The following FHIT variants were observed in gnomAD, a reference collection of about 807,000 sequenced individuals.
FHIT encodes fragile histidine triad diadenosine triphosphatase.
FHIT carries 19 observed loss-of-function variants against 17.9 expected under a neutral mutation model. The observed-to-expected ratio is 1.06, with a 90% CI of 0.74 to 1.56. FHIT has a LOEUF of 1.56. Ranked by LOEUF, FHIT falls within the 40% of genes most tolerant of loss-of-function variation. FHIT has a pLI of 0.00. For missense variants in FHIT, 248 were observed against 189.2 expected (o/e 1.31, Z -1.82); for synonymous variants, 81 against 69.7 (o/e 1.16, Z -0.81).
At chr3:61,019,275 T>C (rs1171072761) in intron 3 of FHIT, among the ~76,000 whole-genome samples, 2 of 152,268 alleles carry the variant, frequency 1.3e-5, no homozygotes, top group Non-Finnish European at 2.9e-5. Flanking sequence ...AGATTGGTTA[T>C]AAAGAATTAT....
chr3:60,664,481 G>T (rs2040335452), intron 4 of FHIT, among the ~76,000 whole-genome samples: 1 of 151,388 alleles, frequency 6.6e-6, no homozygotes, highest in South Asian at 2.1e-4. Context: ...CCTGGTTTTG[G>T]TATCAGGGTA....
chr3:60,299,919 C>T (rs1331625473), intron 5 of FHIT, among the ~76,000 whole-genome samples: 2 of 152,076 alleles, frequency 1.3e-5, no homozygotes, highest in African/African-American at 2.4e-5. Context: ...AAAATTTTCT[C>T]TATATTGCTA....
intron 8 of FHIT, among the ~76,000 whole-genome samples, chr3:59,897,215 T>G (rs543558342): frequency 4.6e-5 from 7 of 152,356 alleles, no homozygotes; most frequent in African/African-American, 1.4e-4. Flanking sequence ...GTCTATTGCT[T>G]CTGTATCGAG....
At chr3:60,428,318 T>C (rs543917485) in intron 5 of FHIT, among the ~76,000 whole-genome samples, 1 of 152,168 alleles carries the variant, frequency 6.6e-6, no homozygotes, top group African/African-American at 2.4e-5. Context: ...ATCCAATCAA[T>C]GATAACTGTT....
chr3:60,945,523 G>C (rs1411250259), intron 3 of FHIT, among the ~76,000 whole-genome samples: 1 of 152,130 alleles, frequency 6.6e-6, no homozygotes, highest in Non-Finnish European at 1.5e-5. Context: ...CACCTGAGTA[G>C]CTGGGATTAC....
chr3:60,090,493 A>C (rs917408152), intron 5 of FHIT, among the ~76,000 whole-genome samples: 3 of 152,166 alleles, frequency 2.0e-5, no homozygotes, highest in African/African-American at 7.2e-5. Context: ...TCTTTACGTG[A>C]TTGATGGGTA....
chr3:60,227,275 T>C (rs867351357), intron 5 of FHIT, among the ~76,000 whole-genome samples: 1 of 152,302 alleles, frequency 6.6e-6, no homozygotes, highest in Middle Eastern at 3.4e-3. Context: ...TTTGCCTGTT[T>C]CATACATTAT....
rs75547759 is a variant in FHIT, at chr3:59,850,090, G to A, written c.348+72256C>T. Among the ~76,000 whole-genome samples, 1,322 of 152,240 alleles carry A rather than the reference G, an allele frequency of 8.7e-3. 26 individuals are homozygous for A. The highest frequency in any genetic ancestry group is 0.03 in the African/African-American group (1,252 of 41,536). On this transcript the variant is annotated intron_variant, in intron 8 of 9. Transcript: ENST00000492590. ...CTAACATGAAATTCCCTGCATGCTG[G>A]TAGTTAATTTAATAAAAATTAGAAA...
intron 8 of FHIT, among the ~76,000 whole-genome samples, chr3:59,869,631 G>A (rs547822775): frequency 2.7e-5 from 4 of 147,066 alleles, no homozygotes; most frequent in East Asian, 2.0e-4. Flanking sequence ...ACAGGTGCCC[G>A]CCACCACGCC....
chr3:60,665,700 G>A (rs1553692299), intron 4 of FHIT, among the ~76,000 whole-genome samples: 1 of 151,952 alleles, frequency 6.6e-6, no homozygotes, highest in African/African-American at 2.4e-5. Flanking sequence ...GCAGCATACA[G>A]TTAGATTATG....
At chr3:60,212,149 A>C (rs1217705205) in intron 5 of FHIT, among the ~76,000 whole-genome samples, 3 of 152,152 alleles carry the variant, frequency 2.0e-5, no homozygotes, top group Non-Finnish European at 4.4e-5. Flanking sequence ...ACTTCTCCTC[A>C]AACTTGCATT....
chr3:60,963,204 A>G (rs919606212), intron 3 of FHIT, among the ~76,000 whole-genome samples: 8 of 152,064 alleles, frequency 5.3e-5, no homozygotes, highest in Non-Finnish European at 8.8e-5. Context: ...TAGATTTTCT[A>G]GTTTATTTGC....
chr3:60,948,891 G>A (rs1394062283), intron 3 of FHIT, among the ~76,000 whole-genome samples: 3 of 152,100 alleles, frequency 2.0e-5, no homozygotes, highest in East Asian at 1.9e-4. Flanking sequence ...GGTCAACACC[G>A]CTCTTTTGTC....
At chr3:60,278,681 C>G (rs893043757) in intron 5 of FHIT, among the ~76,000 whole-genome samples, 10 of 151,578 alleles carry the variant, frequency 6.6e-5, no homozygotes, top group African/African-American at 2.4e-4. Flanking sequence ...GCATTAAACA[C>G]AGTCCAGCTC....
chr3:61,229,263 A>G (rs9857131), intron 1 of FHIT, among the ~76,000 whole-genome samples: 58,946 of 152,074 alleles, frequency 0.39, 13,413 homozygotes, highest in African/African-American at 0.6. Context: ...ACAGACAGAA[A>G]AGAAGAAGAT....
intron 3 of FHIT, among the ~76,000 whole-genome samples, chr3:60,918,845 T>G (rs1707139177): frequency 6.6e-6 from 1 of 152,238 alleles, no homozygotes; most frequent in South Asian, 2.1e-4. Flanking sequence ...GTTAAACACC[T>G]TAGTAACACT....
intron 5 of FHIT, among the ~76,000 whole-genome samples, chr3:60,488,193 T>A (rs957078542): frequency 7.9e-5 from 12 of 152,168 alleles, no homozygotes; most frequent in African/African-American, 2.9e-4. Context: ...TGCTAAACAA[T>A]CACTCGACTC....
At chr3:60,490,057 T>C (rs905752587) in intron 5 of FHIT, among the ~76,000 whole-genome samples, 2 of 152,110 alleles carry the variant, frequency 1.3e-5, no homozygotes, top group Admixed American at 6.6e-5. Context: ...TACAGGGACA[T>C]GGCAAAGTGC....
intron 5 of FHIT, among the ~76,000 whole-genome samples, chr3:60,081,154 A>G (rs1703266729): frequency 6.6e-6 from 1 of 152,154 alleles, no homozygotes; most frequent in Admixed American, 6.6e-5. Context: ...TGTTCCCATT[A>G]GAATCACCTG....
Sources: allele counts gnomAD v4.1 joint callset (sites outside exome capture counted in the v4.1 genomes callset), GRCh38; gene constraint gnomAD v4.1.1; transcripts MANE v1.5; gene names NCBI Gene and HGNC (gene_info 2026-07-23, HGNC 2026-07-21).